Variants in ASCC3 observed in about 807,000 individuals in gnomAD.
ASCC3 encodes the protein activating signal cointegrator 1 complex subunit 3, also known as ASC-1 complex subunit P200.
Under a neutral mutation model 256.3 loss-of-function variants are expected in ASCC3, and 158 were observed. The ratio of observed to expected loss-of-function variants is 0.62; its 90% confidence interval spans 0.54 to 0.70. The LOEUF is 0.70. ASCC3 is among the 30% of genes least tolerant of loss of function. The pLI, the probability that ASCC3 is intolerant of heterozygous loss-of-function variation, is 0.00. For synonymous variants in ASCC3, 948 were observed against 883.4 expected (o/e 1.07, Z -1.30); for missense variants, 2,259 against 2,626.0 (o/e 0.86, Z 3.05).
At chr6:100,582,798 G>T (rs577593722) in intron 36 of ASCC3, among the ~76,000 whole-genome samples, 25 of 151,996 alleles carry the variant, frequency 1.6e-4, no homozygotes, top group East Asian at 9.6e-4. Flanking sequence ...TAGCATGAAG[G>T]GTTGTTGAAT....
intron 36 of ASCC3, among the ~76,000 whole-genome samples, chr6:100,554,918 A>C (rs1769492133): frequency 6.6e-6 from 1 of 151,934 alleles, no homozygotes; most frequent in Non-Finnish European, 1.5e-5. Flanking sequence ...TATATTATCA[A>C]ATATATATAG....
intron 4 of ASCC3, among the ~76,000 whole-genome samples, chr6:100,844,599 C>A (rs1772303329): frequency 6.6e-6 from 1 of 152,036 alleles, no homozygotes; most frequent in Non-Finnish European, 1.5e-5. Flanking sequence ...TTAAAATGCA[C>A]TTCTAAAAGT....
chr6:100,737,455 G>C (rs1218518931), intron 10 of ASCC3, among the ~76,000 whole-genome samples: 1 of 151,978 alleles, frequency 6.6e-6, no homozygotes, highest in African/African-American at 2.4e-5. Flanking sequence ...ATGCAGCTCT[G>C]ACTTATAAGT....
At chr6:100,531,561 T>C (rs929071014) in intron 37 of ASCC3, among the ~76,000 whole-genome samples, 7 of 120,916 alleles carry the variant, frequency 5.8e-5, no homozygotes, top group African/African-American at 2.2e-4. Context: ...TATTTTGGTT[T>C]GGGGGGAATT....
intron 37 of ASCC3, among the ~76,000 whole-genome samples, chr6:100,525,115 C>T (rs2114629487): frequency 8.8e-6 from 1 of 113,134 alleles, no homozygotes; most frequent in South Asian, 2.9e-4. Flanking sequence ...GAGGTTGAGG[C>T]TACTATACTC....
At chr6:100,675,144 TACAATTTTGTTTGA>T (rs1776948778) in intron 14 of ASCC3, among the ~76,000 whole-genome samples, 1 of 151,534 alleles carries the variant, frequency 6.6e-6, no homozygotes, top group African/African-American at 2.4e-5. Flanking sequence ...TTTTTTTTTT[TACAATTTTGTTTGA>T]TTTTATTTAA....
chr6:100,867,491 T>C (rs1773534362), intron 2 of ASCC3, among the ~76,000 whole-genome samples: 1 of 152,166 alleles, frequency 6.6e-6, no homozygotes, highest in Non-Finnish European at 1.5e-5. Flanking sequence ...AGATTAATAT[T>C]CATATTTCTC....
At chr6:100,752,150 C>A (rs1199611518) in intron 10 of ASCC3, among the ~76,000 whole-genome samples, 1 of 152,096 alleles carries the variant, frequency 6.6e-6, no homozygotes, top group African/African-American at 2.4e-5. Flanking sequence ...TTATTACCTG[C>A]ATTATTGCAT....
chr6:100,605,735 G>T, intron 32 of ASCC3, 35 bp from the exon 33 acceptor site: 4 of 1,606,408 alleles, frequency 2.5e-6, no homozygotes, highest in Non-Finnish European at 2.6e-6. Flanking sequence ...ATTCTACAAT[G>T]TGGCATATAG....
chr6:100,594,235 C>A (rs1772160703), intron 34 of ASCC3, among the ~76,000 whole-genome samples: 1 of 151,976 alleles, frequency 6.6e-6, no homozygotes, highest in Non-Finnish European at 1.5e-5. Flanking sequence ...GTTAAGTAAA[C>A]CTCAGTCTCT....
intron 33 of ASCC3, among the ~76,000 whole-genome samples, chr6:100,604,965 A>G (rs1772808660): frequency 6.6e-6 from 1 of 152,126 alleles, no homozygotes; most frequent in Non-Finnish European, 1.5e-5. Context: ...TTTTCAGCTG[A>G]GAATACAAGA....
chr6:100,603,846 T>C (rs527704343), intron 33 of ASCC3, among the ~76,000 whole-genome samples: 1 of 152,236 alleles, frequency 6.6e-6, no homozygotes, highest in South Asian at 2.1e-4. Flanking sequence ...CTATTGTTTG[T>C]TTAGAATTTC....
intron 13 of ASCC3, among the ~76,000 whole-genome samples, chr6:100,692,426 T>A (rs185850286): frequency 3.2e-4 from 49 of 152,132 alleles, no homozygotes; most frequent in Non-Finnish European, 5.4e-4. Context: ...TATGGTTTAA[T>A]ATGATTATAT....
chr6:100,512,743 A>G lies in ASCC3; in HGVS notation c.6251T>C (p.Val2084Ala). 1 of 1,614,040 alleles carries G rather than the reference A, an allele frequency of 6.2e-7. No homozygotes were observed. The highest frequency in any genetic ancestry group is 8.5e-7 in the Non-Finnish European group (1 of 1,179,946). ...LHADQEYVLQ[V>A]SLQRVHFGFH... ...CCCAAAGTGGACTCTCTGCAAGCTC[A>G]CTTGAAGCACATACTCTTGGTCAGC... The change falls in exon 40 of 42, where the codon GTG (valine) becomes GCG (alanine). Residue 2084 changes from valine to alanine, a missense_variant. Physicochemically the swap from Val to Ala is moderately conservative, Grantham distance 64. This residue lies in a region of ASCC3 where 1,839 missense variants were observed against 2,206.7 expected (regional missense o/e 0.83). Transcript: ENST00000369162.
At chr6:100,530,309 G>C in intron 37 of ASCC3, 2 of 1,433,848 alleles carry the variant, frequency 1.4e-6, no homozygotes, top group Admixed American at 1.7e-5. Flanking sequence ...GAAGGATAAA[G>C]TTTGTCAGTT....
Position 100,832,422 on chromosome 6 carries a change from C to T in ASCC3, c.801+15726G>A, listed in dbSNP as rs145902119. ...TATACAAAGACTAAAAACTTAGCAC[C>T]CATTGAACCTCTCTAAAAGAATTCT... On this transcript the variant is annotated intron_variant, in intron 4 of 41. Coordinates refer to ENST00000369162, the MANE Select transcript of ASCC3 (RefSeq NM_006828.4). 7.5e-4 allele frequency among the ~76,000 whole-genome samples: 114 copies of T among 151,862 alleles called. 2 individuals carry two copies. In the Middle Eastern group the frequency reaches 0.02, roughly 27 times the overall value.
Position 100,518,084 on chromosome 6 carries a change from T to A in ASCC3, c.5834A>T (p.Asn1945Ile), listed in dbSNP as rs770727020. The A allele has an allele frequency of 1.2e-6, 2 of 1,613,590 alleles. No homozygotes were observed. The highest frequency in any genetic ancestry group is 1.7e-6 in the Non-Finnish European group (2 of 1,179,660). ...ACCCTGGATCACCATCTGAATCAGGTTGGTGATATTCAGGACAGTCACCAG... is the reference window on the plus strand; with the variant it reads ...ACCCTGGATCACCATCTGAATCAGGATGGTGATATTCAGGACAGTCACCAG... Reference protein sequence around the residue: ...GWLVTVLNITNLIQMVIQGRW... With the variant: ...GWLVTVLNITILIQMVIQGRW... The change falls in exon 38 of 42, where the codon AAC becomes ATC. Residue 1945 changes from asparagine to isoleucine, a missense_variant. Around this residue, in one of 2 missense-constraint regions of ASCC3, gnomAD observed 1,839 missense variants for 2,206.7 expected, o/e 0.83. Coordinates refer to ENST00000369162, the MANE Select transcript of ASCC3 (RefSeq NM_006828.4).
At chr6:100,651,530 G>T in intron 19 of ASCC3, 30 bp downstream of exon 19, 2 of 1,355,032 alleles carry the variant, frequency 1.5e-6, no homozygotes, top group Non-Finnish European at 2.1e-6. Context: ...CATGTTGTAT[G>T]CATTTGATTC....
rs116506354 is a variant in ASCC3 at position 100,569,669 on chromosome 6, G to A, written c.5550+19965C>T. On this transcript the variant is annotated intron_variant, in intron 36 of 41. Transcript: ENST00000369162. The stretch of plus-strand genomic sequence containing the variant: ...AAAATGCTGGGATTACAGGCGTGGC[G>A]CGGTCGGTTACTGTAACCTTTTAAT... Among the ~76,000 whole-genome samples, 874 of 152,098 alleles carry A rather than the reference G, an allele frequency of 5.7e-3. 8 individuals are homozygous for A. The highest frequency in any genetic ancestry group is 0.02 in the African/African-American group (842 of 41,496).
Sources: allele counts gnomAD v4.1 joint callset (sites outside exome capture counted in the v4.1 genomes callset), GRCh38; gene constraint gnomAD v4.1.1; regional missense constraint gnomAD v4.1.1; transcripts MANE v1.5; gene names NCBI Gene and HGNC (gene_info 2026-07-23, HGNC 2026-07-21).